THRB: variants seen among roughly 807,000 people sequenced by gnomAD.
THRB encodes thyroid hormone receptor beta.
Under a neutral mutation model 47.8 loss-of-function variants are expected in THRB, and 12 were observed. The observed-to-expected ratio is 0.25, with a 90% CI of 0.16 to 0.41. THRB has a LOEUF of 0.41. Among genes scored for constraint, THRB ranks in the 10% least tolerant of loss-of-function variants. The pLI is 1.00. For missense variants in THRB, 348 were observed against 589.2 expected, an observed-to-expected ratio of 0.59 and a Z score of 4.24; for synonymous variants, 218 against 212.2, an observed-to-expected ratio of 1.03 and a Z score of -0.24.
chr3:24,491,651 C>A (rs1698157004), intron 1 of THRB, among the ~76,000 whole-genome samples: 1 of 152,184 alleles, frequency 6.6e-6, no homozygotes, highest in Admixed American at 6.5e-5. Flanking sequence ...ACTTTTGCAG[C>A]CCAAATTGTA....
chr3:24,179,688 C>T (rs1266540189), intron 5 of THRB, among the ~76,000 whole-genome samples: 1 of 152,088 alleles, frequency 6.6e-6, no homozygotes, highest in Non-Finnish European at 1.5e-5. Flanking sequence ...AAACAGAATC[C>T]AACTCAGAAA....
intron 5 of THRB, among the ~76,000 whole-genome samples, chr3:24,164,756 A>G (rs1393402299): frequency 1.3e-5 from 2 of 152,172 alleles, no homozygotes; most frequent in African/African-American, 2.4e-5. Flanking sequence ...GAAGCCAACA[A>G]TAGTCACTTT....
intron 1 of THRB, among the ~76,000 whole-genome samples, chr3:24,422,269 A>T (rs2069337610): frequency 6.6e-6 from 1 of 151,952 alleles, no homozygotes. Context: ...GAAACTTAGT[A>T]TCCTGGATGG....
At chr3:24,233,599 G>GAAAGAAAGAAAGAAAAAT (rs1553658474) in intron 3 of THRB, among the ~76,000 whole-genome samples, 162 of 150,908 alleles carry the variant, frequency 1.1e-3, no homozygotes, top group Middle Eastern at 3.4e-3. Flanking sequence ...AAGAAAGAAA[G>GAAAGAAAGAAAGAAAAAT]AAAGAAAGAA....
intron 1 of THRB, among the ~76,000 whole-genome samples, chr3:24,357,058 T>G (rs1007453939): frequency 6.6e-6 from 1 of 151,616 alleles, no homozygotes; most frequent in East Asian, 1.9e-4. Context: ...GCCAATAATT[T>G]AACTAAAAAT....
intron 10 of THRB, among the ~76,000 whole-genome samples, chr3:24,124,190 G>T (rs765446828): frequency 7.2e-5 from 11 of 152,164 alleles, no homozygotes; most frequent in Non-Finnish European, 1.3e-4. Context: ...AAGGATCAGG[G>T]CTAATGTCTC....
intron 5 of THRB, among the ~76,000 whole-genome samples, chr3:24,174,837 A>AAAC (rs2040925466): frequency 6.6e-6 from 1 of 152,186 alleles, no homozygotes; most frequent in African/African-American, 2.4e-5. Flanking sequence ...AGAGATAAGG[A>AAAC]AACTGAGACT....
At chr3:24,235,823 T>C (rs565377275) in intron 3 of THRB, among the ~76,000 whole-genome samples, 40 of 152,252 alleles carry the variant, frequency 2.6e-4, no homozygotes, top group African/African-American at 7.7e-4. Flanking sequence ...TCCTAGGAAG[T>C]TGCCGTGTAA....
At chr3:24,454,349 C>G (rs1254874917) in intron 1 of THRB, among the ~76,000 whole-genome samples, 2 of 152,010 alleles carry the variant, frequency 1.3e-5, no homozygotes, top group Non-Finnish European at 2.9e-5. Context: ...TTAGTTGTTG[C>G]CCAGAGCTGG....
At chr3:24,375,811 T>C (rs1258245254) in intron 1 of THRB, among the ~76,000 whole-genome samples, 1 of 151,928 alleles carries the variant, frequency 6.6e-6, no homozygotes, top group Non-Finnish European at 1.5e-5. Flanking sequence ...TTCTTTTCTT[T>C]TTTGAATCCA....
chr3:24,319,979 A>T (rs2058374605), intron 2 of THRB, among the ~76,000 whole-genome samples: 1 of 151,764 alleles, frequency 6.6e-6, no homozygotes, highest in Admixed American at 6.6e-5. Flanking sequence ...CTGTAGCATG[A>T]CTCCCTTTTG....
At chr3:24,187,751 C>G (rs1177863199) in intron 5 of THRB, among the ~76,000 whole-genome samples, 2 of 152,174 alleles carry the variant, frequency 1.3e-5, no homozygotes, top group East Asian at 1.9e-4. Context: ...ATAGAGCTGA[C>G]AAGCAGAGCA....
chr3:24,430,550 C>A (rs2070281538), intron 1 of THRB, among the ~76,000 whole-genome samples: 1 of 151,738 alleles, frequency 6.6e-6, no homozygotes, highest in East Asian at 1.9e-4. Flanking sequence ...AACTCTATAC[C>A]TAAAATGCTA....
intron 4 of THRB, among the ~76,000 whole-genome samples, chr3:24,227,388 C>T (rs868431019): frequency 4.6e-5 from 7 of 152,244 alleles, no homozygotes; most frequent in Admixed American, 1.3e-4. Context: ...TGGTTTATGA[C>T]GTAGAAGGAG....
At chr3:24,372,623 C>T (rs2065001598) in intron 1 of THRB, among the ~76,000 whole-genome samples, 1 of 152,062 alleles carries the variant, frequency 6.6e-6, no homozygotes, top group Non-Finnish European at 1.5e-5. Flanking sequence ...AGTCGGAGAT[C>T]AACAGCTCAT....
chr3:24,365,176 C>A (rs2064368128), intron 1 of THRB, among the ~76,000 whole-genome samples: 3 of 152,118 alleles, frequency 2.0e-5, no homozygotes, highest in Non-Finnish European at 4.4e-5. Flanking sequence ...TAATTTCCTG[C>A]CTTATTCACC....
At chr3:24,156,472 G>A (rs1270393871) in intron 5 of THRB, among the ~76,000 whole-genome samples, 1 of 152,212 alleles carries the variant, frequency 6.6e-6, no homozygotes, top group African/African-American at 2.4e-5. Flanking sequence ...AGAAGTAGCA[G>A]CATGTGAGAA....
At chr3:24,437,313 C>T (rs115666869) in intron 1 of THRB, among the ~76,000 whole-genome samples, 3,869 of 151,910 alleles carry the variant, frequency 0.025, 69 homozygotes, top group South Asian at 0.071. Context: ...TGTTCTCACT[C>T]ATATGTGGGA....
At chr3:24,459,425 C>G (rs1200044588) in intron 1 of THRB, 1 of 152,154 alleles carries the variant, frequency 6.6e-6, no homozygotes, top group Non-Finnish European at 1.5e-5. Context: ...AATGAACATA[C>G]CTGTGCATGT....
Sources: allele counts gnomAD v4.1 joint callset (sites outside exome capture counted in the v4.1 genomes callset), GRCh38; gene constraint gnomAD v4.1.1; transcripts MANE v1.5; gene names NCBI Gene and HGNC (gene_info 2026-07-23, HGNC 2026-07-21).